Variants in SERINC1 observed in about 807,000 individuals in gnomAD.
The protein encoded by SERINC1 is serine incorporator 1.
SERINC1 carries 38 observed loss-of-function variants against 52.9 expected under a neutral mutation model. The ratio of observed to expected loss-of-function variants is 0.72; its 90% CI spans 0.55 to 0.94. The LOEUF (loss-of-function observed/expected upper bound fraction) is 0.94, where lower values mean the gene tolerates loss of function less well. SERINC1 is among the 40% of genes least tolerant of loss of function. The probability of loss-of-function intolerance (pLI) is 0.00; values close to 1 mark genes in which losing one functional copy is unlikely to be tolerated. For missense variants in SERINC1, 471 were observed against 533.9 expected, an observed-to-expected ratio of 0.88 and a Z score of 1.16; for synonymous variants, 198 against 183.1, an observed-to-expected ratio of 1.08 and a Z score of -0.66.
intron 3 of SERINC1, among the ~76,000 whole-genome samples, chr6:122,456,139 G>C (rs949877766): frequency 6.6e-6 from 1 of 152,190 alleles, no homozygotes; most frequent in Non-Finnish European, 1.5e-5. Flanking sequence ...CTGCTCTCTG[G>C]GTCTAGGGAA....
chr6:122,456,423 G>T (rs1774995871), intron 3 of SERINC1, 58 bp downstream of exon 3: 1 of 1,055,154 alleles, frequency 9.5e-7, no homozygotes, highest in Non-Finnish European at 1.3e-6. Flanking sequence ...GGATAAACTG[G>T]CAATTATCAA....
rs1379432945 is a variant in SERINC1 at position 122,456,526 on chromosome 6, A to C, written c.326T>G (p.Ile109Ser). The change falls in exon 3 of 10, where the codon ATC becomes AGC. Residue 109 changes from isoleucine to serine, a missense_variant. Physicochemically the swap from Ile to Ser is moderately radical, Grantham distance 142. Coordinates refer to ENST00000339697, the MANE Select transcript of SERINC1 (RefSeq NM_020755.4). ...MFYLLLSLLM[I>S]KVKSSSDPRA... ...AGGATCACTGCTACTCTTCACTTTGATCATTAGTAAAGAGAGAAGAAGATA... is the reference window on the plus strand; with the variant it reads ...AGGATCACTGCTACTCTTCACTTTGCTCATTAGTAAAGAGAGAAGAAGATA... The C allele has an allele frequency of 6.2e-7, 1 of 1,610,872 alleles. No individual in the cohort carries two copies. The highest frequency in any genetic ancestry group is 1.3e-5 in the African/African-American group (1 of 74,766).
At chr6:122,465,428 G>A (rs1162722767) in intron 1 of SERINC1, among the ~76,000 whole-genome samples, 2 of 152,056 alleles carry the variant, frequency 1.3e-5, no homozygotes, top group Admixed American at 6.6e-5. Context: ...TTGACAGAAG[G>A]GGTTCCATAC....
chr6:122,447,505 CAT>C (rs779301618), intron 7 of SERINC1, among the ~76,000 whole-genome samples: 3 of 152,080 alleles, frequency 2.0e-5, no homozygotes, highest in Non-Finnish European at 2.9e-5. Context: ...TTTTCAACAA[CAT>C]GTGATAGCTG....
chr6:122,444,937 G>A lies in SERINC1; in HGVS notation c.*107C>T. ...AAAATCTAATTCATGCCAGAACACT[G>A]GAGAAGTTACATGGGAAGCAAAAAC... On this transcript the variant is annotated 3_prime_UTR_variant, in exon 10 of 10. Transcript: ENST00000339697. 9.6e-7 allele frequency: 1 copy of A among 1,040,496 alleles called. No homozygotes were observed. The highest frequency in any genetic ancestry group is 1.4e-6 in the Non-Finnish European group (1 of 715,914). The allele number at this position is 1,040,496 out of a possible 1,614,324, so 64.5% of individuals were successfully genotyped here.
intron 1 of SERINC1, 99 bp downstream of exon 1, chr6:122,471,600 G>A: frequency 6.9e-7 from 1 of 1,440,698 alleles, no homozygotes; most frequent in Non-Finnish European, 9.8e-7. Context: ...CTGTTGGGTG[G>A]GGCACCACAT....
At position 122,449,345 on chromosome 6, in the gene SERINC1, G is replaced by T. The variant is rs1047387676; in HGVS notation, c.851-2080C>A. Among the ~76,000 whole-genome samples, 3 of 152,168 alleles carry T rather than the reference G, an allele frequency of 2.0e-5. No homozygotes were observed. The East Asian group carries it at 5.8e-4, about 29-fold the overall frequency. Reference sequence around the variant, plus strand: ...AGCTGAGTTGCGAATGCAAAGAAAAGAAAAAGTTCTTGAAGGATATTAAAA... The same window carrying T: ...AGCTGAGTTGCGAATGCAAAGAAAATAAAAAGTTCTTGAAGGATATTAAAA... On this transcript the variant is annotated intron_variant, in intron 7 of 9. Coordinates refer to ENST00000339697, the MANE Select transcript of SERINC1 (RefSeq NM_020755.4).
intron 9 of SERINC1, among the ~76,000 whole-genome samples, chr6:122,445,626 AAAAG>A (rs1774778843): frequency 1.3e-5 from 2 of 151,536 alleles, no homozygotes; most frequent in South Asian, 4.2e-4. Context: ...TCTCCTTAAA[AAAAG>A]AAAGAATTAA....
chr6:122,471,659 T>C, intron 1 of SERINC1, 40 bp downstream of exon 1: 1 of 1,613,708 alleles, frequency 6.2e-7, no homozygotes, highest in Non-Finnish European at 8.5e-7. Flanking sequence ...CTCTTTGGTC[T>C]CTCACACTAG....
In SERINC1 at chr6:122,456,661, A is replaced by C. The variant is rs756241634; in HGVS notation, c.202-11T>G. The C allele has an allele frequency of 3.2e-5, 50 of 1,560,470 alleles. No homozygotes were observed. Among genetic ancestry groups the C allele is most frequent in the Non-Finnish European group, 4.1e-5 (47 of 1,158,820 alleles). ...ACAAAATCCAGGAATCTAGAAAAAC[A>C]AAAGAGTTTATGATCCATCATTTTT... On this transcript the variant is annotated splice_polypyrimidine_tract_variant and intron_variant, in intron 2 of 9. Transcript: ENST00000339697.
chr6:122,461,874 T>C (rs979512779), intron 1 of SERINC1, among the ~76,000 whole-genome samples: 49 of 151,994 alleles, frequency 3.2e-4, no homozygotes, highest in African/African-American at 1.2e-3. Context: ...TCTTCTTATT[T>C]AAAAAAATGG....
chr6:122,464,969 T>C (rs1202502805), intron 1 of SERINC1, among the ~76,000 whole-genome samples: 1 of 152,138 alleles, frequency 6.6e-6, no homozygotes, highest in African/African-American at 2.4e-5. Context: ...AGACTGAATA[T>C]ATTAATTTAC....
intron 7 of SERINC1, 108 bp from the exon 8 acceptor site, chr6:122,447,373 T>G: frequency 1.2e-6 from 1 of 803,020 alleles, no homozygotes; most frequent in South Asian, 2.2e-5. Context: ...TGAGAAACAA[T>G]TGCTGGAAAA....
At chr6:122,466,282 T>G (rs1473771221) in intron 1 of SERINC1, among the ~76,000 whole-genome samples, 1 of 152,128 alleles carries the variant, frequency 6.6e-6, no homozygotes, top group African/African-American at 2.4e-5. Flanking sequence ...TAATTAAAAA[T>G]GTTACAGCAG....
intron 4 of SERINC1, 76 bp downstream of exon 4, chr6:122,454,075 T>TG (rs1774957228): frequency 8.3e-7 from 1 of 1,197,866 alleles, no homozygotes; most frequent in Admixed American, 2.3e-5. Context: ...GACAAACAAT[T>TG]ATAGTTCCAG....
At chr6:122,468,742 T>C (rs1775227010) in intron 1 of SERINC1, among the ~76,000 whole-genome samples, 1 of 152,172 alleles carries the variant, frequency 6.6e-6, no homozygotes, top group Admixed American at 6.5e-5. Context: ...GCTTGACCAT[T>C]CATAGCAACT....
Position 122,471,782 on chromosome 6 carries a change from A to T in SERINC1, c.-45T>A, listed in dbSNP as rs146105077. 154 of 1,612,934 alleles carry T rather than the reference A, an allele frequency of 9.5e-5. No homozygotes were observed. Among genetic ancestry groups the T allele is most frequent in the Non-Finnish European group, 1.2e-4 (138 of 1,179,616 alleles). ...CAGCGGATACAGACAAGATGGAGAC[A>T]GCTTCTTTCTCGCCTTTCCGAGATT... On this transcript the variant is annotated 5_prime_UTR_variant, in exon 1 of 10. Coordinates refer to ENST00000339697, the MANE Select transcript of SERINC1 (RefSeq NM_020755.4).
chr6:122,471,580 A>G, intron 1 of SERINC1, 119 bp downstream of exon 1: 6 of 1,189,158 alleles, frequency 5.0e-6, no homozygotes, highest in Non-Finnish European at 7.4e-6. Context: ...GGGGACAGAG[A>G]GGGCACTCCC....
At chr6:122,451,776 A>AAAAAATATATATATATATAT in intron 6 of SERINC1, 22 bp from the exon 7 acceptor site, 13 of 113,020 alleles carry the variant, frequency 1.2e-4, no homozygotes, top group African/African-American at 3.7e-4. Flanking sequence ...AAAAAAAAAA[A>AAAAAATATATATATATATAT]ATATATATAT....
Sources: gnomAD v4.1 joint callset for allele counts (sites outside exome capture counted in the v4.1 genomes callset) on GRCh38, gnomAD v4.1.1 for gene constraint, MANE v1.5 for transcripts, NCBI Gene and HGNC (gene_info 2026-07-23, HGNC 2026-07-21) for gene names.